QSOX1: variants seen among roughly 807,000 people sequenced by gnomAD.
The protein encoded by QSOX1 is sulfhydryl oxidase 1.
A neutral mutation model predicts 76.1 loss-of-function variants in QSOX1; 40 were observed. That is an observed-to-expected ratio of 0.53 (90% CI 0.41 to 0.68). The LOEUF is 0.68. Among genes scored for constraint, QSOX1 ranks in the 30% least tolerant of loss-of-function variants. QSOX1 has a pLI of 0.00. For missense variants in QSOX1, 931 were observed against 974.3 expected, an observed-to-expected ratio of 0.96 and a Z score of 0.59; for synonymous variants, 392 against 413.1, an observed-to-expected ratio of 0.95 and a Z score of 0.62.
At chr1:180,164,439 C>G (rs989186558) in intron 1 of QSOX1, among the ~76,000 whole-genome samples, 1 of 152,136 alleles carries the variant, frequency 6.6e-6, no homozygotes, top group African/African-American at 2.4e-5. Flanking sequence ...CTCCCTCCTT[C>G]GAGGAGTCCA....
chr1:180,190,539 T>C lies in QSOX1; in HGVS notation c.1247T>C (p.Val416Ala). 3 of 1,614,196 alleles carry C rather than the reference T, an allele frequency of 1.9e-6. No homozygotes were observed. The highest frequency in any genetic ancestry group is 2.5e-6 in the Non-Finnish European group (3 of 1,180,022). Reference protein sequence around the residue: ...SLWVLFHFLTVQAARQNVDHS... With the variant: ...SLWVLFHFLTAQAARQNVDHS... ...TGGGTCCTCTTCCACTTCTTGACTG[T>C]GCAGGCAGCTCGGCAAAATGTAGAC... Residue 416 changes from valine (V) to alanine (A), a missense_variant, in exon 10 of 12, where the codon GTG (valine) becomes GCG (alanine). Val to Ala is a moderately conservative substitution (Grantham distance 64). Coordinates refer to ENST00000367602, the MANE Select transcript of QSOX1 (RefSeq NM_002826.5).
At position 180,184,203 on chromosome 1, in the gene QSOX1, G is replaced by A. The variant is rs1395015906; in HGVS notation, c.887+153G>A. On this transcript the variant is annotated intron_variant, in intron 7 of 11. Coordinates refer to ENST00000367602, the MANE Select transcript of QSOX1 (RefSeq NM_002826.5). ...AGGCTGTCCCCCACCCTGGGGTCTG[G>A]CCATGCTCAGGGACCTTCAATGTGT... 3.9e-5 allele frequency among the ~76,000 whole-genome samples: 6 copies of A among 152,192 alleles called. No individual in the cohort carries two copies. In the East Asian group the frequency reaches 1.2e-3, roughly 29 times the overall value.
chr1:180,155,122 A>T lies in QSOX1; in HGVS notation c.215A>T (p.His72Leu), dbSNP rs1212872825. 3 of 1,522,382 alleles carry T rather than the reference A, an allele frequency of 2.0e-6. No individual in the cohort carries two copies. The highest frequency in any genetic ancestry group is 2.0e-5 in the Admixed American group (1 of 49,854). The allele number at this position is 1,522,382 out of a possible 1,614,324, so 94.3% of individuals were successfully genotyped here. A position where few individuals can be genotyped will look rare whatever the true frequency, so the allele number is the denominator to read the frequency against. Residue 72 changes from histidine (H) to leucine (L), a missense_variant, in exon 1 of 12, where the codon CAC becomes CTC. By Grantham distance (99) the His-to-Leu change is moderately conservative. Transcript: ENST00000367602. ...AVEFFASWCG[H>L]CIAFAPTWKA... The stretch of plus-strand genomic sequence containing the variant: ...GAGTTCTTCGCCTCCTGGTGCGGCC[A>T]CTGCATCGCCTTCGCCCCGACGTGG...
intron 6 of QSOX1, among the ~76,000 whole-genome samples, chr1:180,183,386 G>A (rs1049859943): frequency 6.6e-6 from 1 of 152,090 alleles, no homozygotes; most frequent in Non-Finnish European, 1.5e-5. Flanking sequence ...CAAAAAGACC[G>A]TAAAAAGATT....
intron 2 of QSOX1, among the ~76,000 whole-genome samples, chr1:180,174,441 A>G (rs562394829): frequency 6.6e-6 from 1 of 152,354 alleles, no homozygotes; most frequent in South Asian, 2.1e-4. Context: ...CCCCGCTTCA[A>G]GAGAACCTGT....
At position 180,167,602 on chromosome 1, in the gene QSOX1, C is replaced by T. The variant is rs145638322; in HGVS notation, c.366+1011C>T. Among the ~76,000 whole-genome samples the T allele has an allele frequency of 1.4e-3, 216 of 152,268 alleles. 1 individual carries two copies. Among genetic ancestry groups the T allele is most frequent in the African/African-American group, 4.7e-3 (196 of 41,552 alleles). ...AACTCCATGTGACCTTTCTGTTCCT[C>T]GAGCCCAGTGCAACCCCCACTGGAT... On this transcript the variant is annotated intron_variant, in intron 2 of 11. Coordinates refer to ENST00000367602, the MANE Select transcript of QSOX1 (RefSeq NM_002826.5).
intron 9 of QSOX1, 114 bp from the exon 10 acceptor site, chr1:180,190,319 G>A (rs893897602): frequency 5.8e-6 from 7 of 1,210,978 alleles, no homozygotes; most frequent in African/African-American, 3.0e-5. Context: ...CACCTTCGAG[G>A]TGATAGACTG....
chr1:180,161,505 A>T (rs1187716642), intron 1 of QSOX1, among the ~76,000 whole-genome samples: 1 of 152,252 alleles, frequency 6.6e-6, no homozygotes, highest in Non-Finnish European at 1.5e-5. Flanking sequence ...TAAAGAGAGC[A>T]GATACTTATT....
chr1:180,179,713 G>A (rs1461787975), intron 5 of QSOX1, among the ~76,000 whole-genome samples: 1 of 152,238 alleles, frequency 6.6e-6, no homozygotes, highest in Non-Finnish European at 1.5e-5. Flanking sequence ...CATGAGAGTA[G>A]GCATGAAATT....
chr1:180,171,697 CAT>C (rs905947688), intron 2 of QSOX1, among the ~76,000 whole-genome samples: 7 of 152,044 alleles, frequency 4.6e-5, no homozygotes, highest in Admixed American at 2.0e-4. Flanking sequence ...CAGGACCTGA[CAT>C]GTGTCTGTAG....
chr1:180,186,230 C>T (rs369665220), intron 8 of QSOX1, 48 bp downstream of exon 8: 24 of 1,547,298 alleles, frequency 1.6e-5, no homozygotes, highest in Non-Finnish European at 2.1e-5. Context: ...TACGGATGGT[C>T]AGTGTGCGTT....
rs1197573758 is a variant in QSOX1, at chr1:180,199,723, G to A, written c.*2686G>A. 1 of 151,400 alleles carries A rather than the reference G, an allele frequency of 6.6e-6. No individual in the cohort carries two copies. The highest frequency in any genetic ancestry group is 2.4e-5 in the African/African-American group (1 of 41,272). 9.4% of individuals were successfully genotyped at this position (151,400 alleles called of 1,614,324 possible). A position where few individuals can be genotyped will look rare whatever the true frequency, so the allele number is the denominator to read the frequency against. ...ACAGGTTGTGATGAGGGTTCTGAAG[G>A]ATAGAGACCAAGCAGGGAGGGTGTT... On this transcript the variant is annotated 3_prime_UTR_variant, in exon 12 of 12. Coordinates refer to ENST00000367602, the MANE Select transcript of QSOX1 (RefSeq NM_002826.5).
intron 1 of QSOX1, among the ~76,000 whole-genome samples, chr1:180,164,640 G>A (rs1266284148): frequency 1.3e-5 from 2 of 152,212 alleles, no homozygotes; most frequent in Non-Finnish European, 2.9e-5. Context: ...CTGTCTCGTG[G>A]AGGTGAGGGT....
At chr1:180,163,041 A>AAGAAC (rs1662529755) in intron 1 of QSOX1, among the ~76,000 whole-genome samples, 2 of 152,302 alleles carry the variant, frequency 1.3e-5, no homozygotes, top group Admixed American at 1.3e-4. Flanking sequence ...GTTTCCTTTT[A>AAGAAC]AGAACAGATC....
At chr1:180,185,299 C>A (rs71630253) in intron 7 of QSOX1, among the ~76,000 whole-genome samples, 24,587 of 152,236 alleles carry the variant, frequency 0.16, 2,727 homozygotes, top group Non-Finnish European at 0.24. Context: ...GTTGCCCAAG[C>A]TCACAAACTA....
At chr1:180,185,359 G>A (rs907370654) in intron 7 of QSOX1, among the ~76,000 whole-genome samples, 1 of 152,216 alleles carries the variant, frequency 6.6e-6, no homozygotes, top group African/African-American at 2.4e-5. Flanking sequence ...GACAGGGGAA[G>A]AGGCACCCAA....
intron 1 of QSOX1, among the ~76,000 whole-genome samples, chr1:180,163,839 T>C (rs2149230489): frequency 6.6e-6 from 1 of 152,288 alleles, no homozygotes; most frequent in Admixed American, 6.5e-5. Context: ...GATCATTTGG[T>C]GGCTAGAGAG....
At position 180,190,538 on chromosome 1, in the gene QSOX1, G is replaced by A; in HGVS notation, c.1246G>A (p.Val416Met). 6.2e-7 allele frequency: 1 copy of A among 1,614,186 alleles called. No homozygotes were observed. The highest frequency in any genetic ancestry group is 8.5e-7 in the Non-Finnish European group (1 of 1,180,018). ...SLWVLFHFLT[V>M]QAARQNVDHS... Reference sequence around the variant, plus strand: ...GTGGGTCCTCTTCCACTTCTTGACTGTGCAGGCAGCTCGGCAAAATGTAGA... The same window carrying A: ...GTGGGTCCTCTTCCACTTCTTGACTATGCAGGCAGCTCGGCAAAATGTAGA... The change falls in exon 10 of 12, where the codon GTG (valine) becomes ATG (methionine). Residue 416 changes from valine (V) to methionine (M), a missense_variant. By Grantham distance (21) the Val-to-Met change is conservative. Transcript: ENST00000367602.
chr1:180,176,693 C>T (rs1008739418), intron 4 of QSOX1, among the ~76,000 whole-genome samples: 1 of 152,206 alleles, frequency 6.6e-6, no homozygotes, highest in African/African-American at 2.4e-5. Flanking sequence ...AACACTAGGC[C>T]CCCCACTTCT....
Sources: gnomAD v4.1 joint callset for allele counts (sites outside exome capture counted in the v4.1 genomes callset) on GRCh38, gnomAD v4.1.1 for gene constraint, MANE v1.5 for transcripts, NCBI Gene and HGNC (gene_info 2026-07-23, HGNC 2026-07-21) for gene names.